The following VIPR2 variants were observed in gnomAD, a reference collection of about 807,000 sequenced individuals.
The protein encoded by VIPR2 is vasoactive intestinal polypeptide receptor 2.
A neutral mutation model predicts 58.0 loss-of-function variants in VIPR2; 48 were observed. The ratio of observed to expected loss-of-function variants is 0.83; its 90% CI spans 0.66 to 1.05. VIPR2 has a LOEUF of 1.05. Ranked by LOEUF, VIPR2 falls within the 50% of genes least tolerant of loss-of-function variation. VIPR2 has a pLI of 0.00. For synonymous variants in VIPR2, 243 were observed against 235.2 expected, an observed-to-expected ratio of 1.03 and a Z score of -0.30; for missense variants, 534 against 558.0, an observed-to-expected ratio of 0.96 and a Z score of 0.43.
chr7:159,111,266 A>C (rs1452087053), intron 2 of VIPR2, among the ~76,000 whole-genome samples: 2 of 152,084 alleles, frequency 1.3e-5, no homozygotes, highest in East Asian at 3.8e-4. Flanking sequence ...CCAAGTGAAG[A>C]CTCTGCATGT....
At chr7:159,080,655 T>C (rs1434319134) in intron 4 of VIPR2, among the ~76,000 whole-genome samples, 4 of 152,176 alleles carry the variant, frequency 2.6e-5, no homozygotes, top group Non-Finnish European at 5.9e-5. Flanking sequence ...GGGCATCAAT[T>C]AGGAAAAGAG....
chr7:159,082,749 T>C lies in VIPR2; in HGVS notation c.357+21008A>G, dbSNP rs78809280. Among the ~76,000 whole-genome samples the C allele has an allele frequency of 4.3e-3, 653 of 152,254 alleles. 1 individual carries two copies. The highest frequency in any genetic ancestry group is 0.015 in the African/African-American group (629 of 41,540). ...AAACAGACAGACAGACAGATAGACC[T>C]GCAGACAGATAGGCAGATAGGCAGA... On this transcript the variant is annotated intron_variant, in intron 4 of 12. Coordinates refer to ENST00000262178, the MANE Select transcript of VIPR2 (RefSeq NM_003382.5).
chr7:159,036,977 C>A (rs936789808), intron 6 of VIPR2, 75 bp from the exon 7 acceptor site: 14 of 1,529,498 alleles, frequency 9.2e-6, no homozygotes, highest in East Asian at 4.6e-5. Flanking sequence ...CAGTGCCGCT[C>A]CAGGACACAG....
At chr7:159,068,745 C>T (rs954857407) in intron 4 of VIPR2, among the ~76,000 whole-genome samples, 1 of 152,154 alleles carries the variant, frequency 6.6e-6, no homozygotes, top group Admixed American at 6.5e-5. Context: ...GTTCTGAAGG[C>T]GTCTCCACAG....
intron 2 of VIPR2, among the ~76,000 whole-genome samples, chr7:159,113,527 G>A (rs183425545): frequency 1.3e-5 from 2 of 152,072 alleles, no homozygotes; most frequent in Non-Finnish European, 2.9e-5. Context: ...TCTGCAGCTC[G>A]TCCTGCTACA....
rs904080710 is a variant in VIPR2 at position 159,104,368 on chromosome 7, C to A, written c.260-514G>T. ...CCTCGCCACTGACGGTGACCAGATG[C>A]CCCACTGCTCCAGTTCCCAACAGCA... On this transcript the variant is annotated intron_variant, in intron 3 of 12. Transcript: ENST00000262178. Among the ~76,000 whole-genome samples the A allele has an allele frequency of 5.3e-5, 8 of 150,310 alleles. No homozygotes were observed. The South Asian group carries it at 8.5e-4, about 16-fold the overall frequency.
intron 2 of VIPR2, among the ~76,000 whole-genome samples, chr7:159,141,933 C>T (rs991406744): frequency 1.6e-4 from 24 of 152,148 alleles, no homozygotes; most frequent in Non-Finnish European, 3.4e-4. Flanking sequence ...GCATGATGGC[C>T]CAGCATGCCT....
chr7:159,098,154 G>A lies in VIPR2; in HGVS notation c.357+5603C>T, dbSNP rs1857979152. Among the ~76,000 whole-genome samples the A allele has an allele frequency of 6.6e-6, 1 of 152,182 alleles. No individual in the cohort carries two copies. Among genetic ancestry groups the A allele is most frequent in the South Asian group, 2.1e-4 (1 of 4,826 alleles). Reference sequence around the variant, plus strand: ...TGTTTTCCACGCAGTGGGAACCCCGGCCCCCATCCATCAGCACAGAAGAGT... The same window carrying A: ...TGTTTTCCACGCAGTGGGAACCCCGACCCCCATCCATCAGCACAGAAGAGT... On this transcript the variant is annotated intron_variant, in intron 4 of 12. Transcript: ENST00000262178. The surrounding 1 kb of genome is among the most constrained non-coding windows in gnomAD (Gnocchi z 5.2).
intron 2 of VIPR2, among the ~76,000 whole-genome samples, chr7:159,142,182 A>G (rs1376957802): frequency 6.6e-6 from 1 of 152,234 alleles, no homozygotes; most frequent in Non-Finnish European, 1.5e-5. Context: ...AAATTGTTTT[A>G]GTAACTGTTG....
chr7:159,085,810 T>C (rs73527833), intron 4 of VIPR2, among the ~76,000 whole-genome samples: 13,621 of 151,920 alleles, frequency 0.09, 1,996 homozygotes, highest in African/African-American at 0.31. Context: ...AAGGCAGGAC[T>C]ATGGAGCCAG....
At chr7:159,079,172 C>T (rs1023372289) in intron 4 of VIPR2, among the ~76,000 whole-genome samples, 3 of 152,308 alleles carry the variant, frequency 2.0e-5, no homozygotes, top group South Asian at 2.1e-4. Context: ...GCCCCAACCA[C>T]GGCTCCACCC....
chr7:159,073,677 A>C (rs1486325139), intron 4 of VIPR2, among the ~76,000 whole-genome samples: 2 of 152,044 alleles, frequency 1.3e-5, no homozygotes, highest in Non-Finnish European at 2.9e-5. Flanking sequence ...CCAAAATGCT[A>C]TGATTACAGG....
chr7:159,100,848 CCCG>C (rs1858167169), intron 4 of VIPR2, among the ~76,000 whole-genome samples: 1 of 147,456 alleles, frequency 6.8e-6, no homozygotes, highest in Non-Finnish European at 1.5e-5. Flanking sequence ...AGGCTGTTCC[CCCG>C]ACTGTTCCTG....
At chr7:159,045,025 C>G (rs112516151) in intron 5 of VIPR2, among the ~76,000 whole-genome samples, 4 of 152,294 alleles carry the variant, frequency 2.6e-5, no homozygotes, top group African/African-American at 9.6e-5. Context: ...CCTGCCTTGG[C>G]CTCCCAAAGT....
chr7:159,088,611 A>G (rs1052463979), intron 4 of VIPR2, among the ~76,000 whole-genome samples: 1 of 152,250 alleles, frequency 6.6e-6, no homozygotes, highest in Middle Eastern at 3.2e-3. Context: ...GCAAGTGCAC[A>G]GGACAGTGTC....
intron 5 of VIPR2, among the ~76,000 whole-genome samples, chr7:159,054,836 T>G (rs1354805179): frequency 1.3e-5 from 2 of 152,240 alleles, no homozygotes; most frequent in Non-Finnish European, 2.9e-5. Flanking sequence ...CTTTGATACA[T>G]ATCTATGTGG....
intron 4 of VIPR2, among the ~76,000 whole-genome samples, chr7:159,075,633 G>A (rs920809419): frequency 6.6e-6 from 1 of 151,012 alleles, no homozygotes; most frequent in Admixed American, 6.6e-5. Context: ...ACATCAGGGA[G>A]TAGCCCAGGG....
At position 159,034,579 on chromosome 7, in the gene VIPR2, A is replaced by G. The variant is rs142549613; in HGVS notation, c.879+2T>C. The G allele has an allele frequency of 4.7e-5, 76 of 1,612,988 alleles. No homozygotes were observed. Among genetic ancestry groups the G allele is most frequent in the Admixed American group, 8.3e-5 (5 of 59,994 alleles). On this transcript the variant is annotated splice_donor_variant, in intron 9 of 12. Coordinates refer to ENST00000262178, the MANE Select transcript of VIPR2 (RefSeq NM_003382.5). LOFTEE classifies it high-confidence loss of function. ...ATCCACATGTCAACAGGGACTACTT[A>G]CGATGATGGAAATTAAAATCGGTAT...
At position 159,131,114 on chromosome 7, in the gene VIPR2, G is replaced by T. The variant is rs546914372; in HGVS notation, c.151+11332C>A. Among the ~76,000 whole-genome samples, 95 of 152,318 alleles carry T rather than the reference G, an allele frequency of 6.2e-4. 1 individual carries two copies. The highest frequency in any genetic ancestry group is 1.0e-3 in the Admixed American group (16 of 15,308). Reference sequence around the variant, plus strand: ...GTGATAGGGGAGACTCTAGCCAGTGGAACGAGGAGGGGTCATCAAATCTTA... The same window carrying T: ...GTGATAGGGGAGACTCTAGCCAGTGTAACGAGGAGGGGTCATCAAATCTTA... On this transcript the variant is annotated intron_variant, in intron 2 of 12. Transcript: ENST00000262178.
Sources: allele counts gnomAD v4.1 joint callset (sites outside exome capture counted in the v4.1 genomes callset), GRCh38; gene constraint gnomAD v4.1.1; non-coding constraint Gnocchi (gnomAD v3.1); transcripts MANE v1.5; gene names NCBI Gene and HGNC (gene_info 2026-07-23, HGNC 2026-07-21).